SEC16B: variants seen among roughly 807,000 people sequenced by gnomAD.
SEC16B encodes the protein SEC16 homolog B, endoplasmic reticulum export factor.
A neutral mutation model predicts 141.8 loss-of-function variants in SEC16B; 115 were observed. That is an observed-to-expected ratio of 0.81 (90% CI 0.70 to 0.95). The LOEUF (loss-of-function observed/expected upper bound fraction) is 0.95, where lower values mean the gene tolerates loss of function less well. SEC16B is among the 40% of genes least tolerant of loss of function. SEC16B has a pLI of 0.00. For missense variants in SEC16B, 1,291 were observed against 1,312.3 expected (o/e 0.98, Z 0.25); for synonymous variants, 493 against 492.5 (o/e 1.00, Z -0.01).
intron 20 of SEC16B, among the ~76,000 whole-genome samples, chr1:177,935,932 A>C (rs937951003): frequency 1.3e-5 from 2 of 152,242 alleles, no homozygotes; most frequent in African/African-American, 4.8e-5. Context: ...CTTTGAAATA[A>C]AGCCAGGTAA....
chr1:177,961,928 G>A (rs754470289), intron 5 of SEC16B, among the ~76,000 whole-genome samples, 194 bp from the exon 6 acceptor site: 7 of 151,976 alleles, frequency 4.6e-5, no homozygotes, highest in African/African-American at 1.7e-4. Context: ...TTGGGGTCAG[G>A]GGCCCTTGAA....
At chr1:177,938,587 A>G (rs1452043053) in intron 18 of SEC16B, among the ~76,000 whole-genome samples, 1 of 152,188 alleles carries the variant, frequency 6.6e-6, no homozygotes, top group Admixed American at 6.5e-5. Flanking sequence ...GTAAGAAATA[A>G]AGTCTCCTTT....
intron 1 of SEC16B, among the ~76,000 whole-genome samples, chr1:177,969,031 G>A (rs542045962): frequency 9.2e-5 from 14 of 152,316 alleles, no homozygotes; most frequent in African/African-American, 2.9e-4. Context: ...AGGAAAGCAC[G>A]CCTCAGATCT....
chr1:177,953,122 C>T (rs1327303222), intron 11 of SEC16B, among the ~76,000 whole-genome samples: 1 of 151,754 alleles, frequency 6.6e-6, no homozygotes, highest in Non-Finnish European at 1.5e-5. Context: ...TCTCCTGCCT[C>T]AGCTTCCAGA....
chr1:177,942,552 C>T (rs373979898), intron 15 of SEC16B, among the ~76,000 whole-genome samples: 3 of 152,086 alleles, frequency 2.0e-5, no homozygotes, highest in African/African-American at 7.2e-5. Flanking sequence ...CCTGTAGTCC[C>T]AGCTACTCGG....
chr1:177,954,457 C>T (rs1396755636), intron 10 of SEC16B, 81 bp from the exon 11 acceptor site: 1 of 1,157,324 alleles, frequency 8.6e-7, no homozygotes, highest in Non-Finnish European at 1.3e-6. Flanking sequence ...CTGCTGCATC[C>T]TGAGCAGCAG....
chr1:177,960,656 C>T, intron 7 of SEC16B, 135 bp downstream of exon 7: 1 of 957,660 alleles, frequency 1.0e-6, no homozygotes, highest in Non-Finnish European at 1.5e-6. Context: ...CCAGGGGGTA[C>T]ATGGCCCAGT....
intron 5 of SEC16B, among the ~76,000 whole-genome samples, chr1:177,963,102 T>G (rs893634263): frequency 1.3e-5 from 2 of 151,830 alleles, no homozygotes; most frequent in African/African-American, 4.8e-5. Flanking sequence ...AGTGAGACTC[T>G]GTCTCAAAAA....
intron 20 of SEC16B, among the ~76,000 whole-genome samples, chr1:177,935,976 T>C (rs1388334422): frequency 6.6e-6 from 1 of 152,228 alleles, no homozygotes; most frequent in African/African-American, 2.4e-5. Flanking sequence ...CAGTCTTCCA[T>C]GGCAGGACAG....
intron 2 of SEC16B, among the ~76,000 whole-genome samples, chr1:177,967,059 C>A (rs1025757421): frequency 1.3e-5 from 2 of 152,110 alleles, no homozygotes; most frequent in Non-Finnish European, 2.9e-5. Flanking sequence ...AGCAGGAATT[C>A]CAGATTCTCC....
chr1:177,962,533 T>C (rs2101987323), intron 5 of SEC16B, among the ~76,000 whole-genome samples: 1 of 150,710 alleles, frequency 6.6e-6, no homozygotes, highest in African/African-American at 2.4e-5. Flanking sequence ...GCCCACGAAT[T>C]TGAGACCCCA....
At chr1:177,946,275 G>C in intron 14 of SEC16B, 145 bp downstream of exon 14, 1 of 736,396 alleles carries the variant, frequency 1.4e-6, no homozygotes, top group Non-Finnish European at 2.5e-6. Context: ...GCACAGACCT[G>C]CACAGATAAC....
At chr1:177,968,739 A>T (rs1405621238) in intron 1 of SEC16B, among the ~76,000 whole-genome samples, 2 of 151,926 alleles carry the variant, frequency 1.3e-5, no homozygotes, top group African/African-American at 2.4e-5. Flanking sequence ...CCTTACATTA[A>T]CCCCCTCAAA....
intron 10 of SEC16B, among the ~76,000 whole-genome samples, chr1:177,957,534 T>C (rs1478567252): frequency 6.6e-6 from 1 of 152,154 alleles, no homozygotes; most frequent in Non-Finnish European, 1.5e-5. Context: ...TATGAGTACA[T>C]AGTAGGTATA....
intron 1 of SEC16B, among the ~76,000 whole-genome samples, chr1:177,980,372 T>C (rs1170559468): frequency 6.6e-6 from 1 of 152,144 alleles, no homozygotes. Flanking sequence ...ACGAAGACTT[T>C]CATTTATTCA....
Position 177,964,991 on chromosome 1 carries a change from G to A in SEC16B, c.533+56C>T, listed in dbSNP as rs369653871. 110 of 1,595,478 alleles carry A rather than the reference G, an allele frequency of 6.9e-5. No individual in the cohort carries two copies. The East Asian group carries it at 1.1e-3, about 15-fold the overall frequency. ...GCATCAGACGCCAGAAGATTTGCCC[G>A]ACATAGTCTGAGTTTGACAACATCA... On this transcript the variant is annotated intron_variant, in intron 4 of 25. Transcript: ENST00000308284.
At chr1:177,930,120 G>C (rs184769722) in intron 25 of SEC16B, among the ~76,000 whole-genome samples, 191 bp from the exon 26 acceptor site, 197 of 152,232 alleles carry the variant, frequency 1.3e-3, no homozygotes, top group African/African-American at 4.1e-3. Flanking sequence ...TTTATAAAGA[G>C]AGGAGGCCAA....
At chr1:177,976,314 C>A (rs539969964) in intron 1 of SEC16B, among the ~76,000 whole-genome samples, 3 of 152,260 alleles carry the variant, frequency 2.0e-5, no homozygotes, top group East Asian at 1.9e-4. Flanking sequence ...GATTGATGCC[C>A]CCTATATCAA....
intron 15 of SEC16B, 57 bp downstream of exon 15, chr1:177,944,504 A>ACAGCTGCCTG: frequency 1.4e-6 from 2 of 1,400,308 alleles, no homozygotes; most frequent in East Asian, 4.6e-5. Flanking sequence ...AGCTGCAAAT[A>ACAGCTGCCTG]CAGCTGCCTG....
Sources: allele counts gnomAD v4.1 joint callset (sites outside exome capture counted in the v4.1 genomes callset), GRCh38; gene constraint gnomAD v4.1.1; transcripts MANE v1.5; gene names NCBI Gene and HGNC (gene_info 2026-07-23, HGNC 2026-07-21).